LRRTM4: variants seen among roughly 807,000 people sequenced by gnomAD.
LRRTM4 encodes the protein leucine rich repeat transmembrane neuronal 4, also known as leucine-rich repeat transmembrane neuronal protein 4.
A neutral mutation model predicts 47.6 loss-of-function variants in LRRTM4; 25 were observed. That is an observed-to-expected ratio of 0.53 (90% CI 0.38 to 0.73). The LOEUF is 0.73. LRRTM4 is among the 30% of genes least tolerant of loss of function. LRRTM4 has a pLI of 0.00. For synonymous variants in LRRTM4, 311 were observed against 269.5 expected (o/e 1.15, Z -1.51); for missense variants, 638 against 713.4 (o/e 0.89, Z 1.20).
intron 3 of LRRTM4, among the ~76,000 whole-genome samples, chr2:76,903,835 G>A (rs191832924): frequency 3.2e-3 from 480 of 152,268 alleles, no homozygotes; most frequent in Admixed American, 5.1e-3. Flanking sequence ...TCGAGAAAAG[G>A]TGGTATGCTT....
At position 76,748,552 on chromosome 2, in the gene LRRTM4, CTT is replaced by C; in HGVS notation, c.*141_*142del. 1.5e-6 allele frequency: 1 copy of C among 683,912 alleles called. No homozygotes were observed. The highest frequency in any genetic ancestry group is 2.4e-6 in the Non-Finnish European group (1 of 413,840). The allele number at this position is 683,912 out of a possible 1,614,324, so 42.4% of individuals were successfully genotyped here. On this transcript the variant is annotated 3_prime_UTR_variant, in exon 4 of 4. Transcript: ENST00000409884. ...CCCTCTTCAAGCAGTTTTTTTTTCT[CTT>C]TTTCTTTTCTCTATGCCATAAATGT...
intron 3 of LRRTM4, among the ~76,000 whole-genome samples, chr2:76,801,983 A>G (rs1675715943): frequency 1.3e-5 from 2 of 152,148 alleles, no homozygotes; most frequent in Non-Finnish European, 2.9e-5. Context: ...AACAGAATAA[A>G]GGCAGTATAT....
At chr2:77,294,941 A>T (rs1387685014) in intron 3 of LRRTM4, among the ~76,000 whole-genome samples, 1 of 152,128 alleles carries the variant, frequency 6.6e-6, no homozygotes, top group Non-Finnish European at 1.5e-5. Flanking sequence ...TATTTAACTC[A>T]TGTGTTACAT....
chr2:76,835,451 A>G (rs1313719812), intron 3 of LRRTM4, among the ~76,000 whole-genome samples: 2 of 152,116 alleles, frequency 1.3e-5, no homozygotes, highest in Non-Finnish European at 2.9e-5. Flanking sequence ...CTTATTTGTG[A>G]AGATTTCTGA....
intron 3 of LRRTM4, among the ~76,000 whole-genome samples, chr2:77,251,160 CATATATATGTGTGTGTGTGTATATATAT>C (rs1558653760): frequency 2.7e-5 from 1 of 36,468 alleles, no homozygotes; most frequent in Non-Finnish European, 6.9e-5. Context: ...TGTATATATA[CATATATATGTGTGTGTGTGTATATATAT>C]ACACACACAC....
In LRRTM4 at chr2:77,462,714, C is replaced by T. The variant is rs183917202; in HGVS notation, c.1551+55604G>A. Among the ~76,000 whole-genome samples the T allele has an allele frequency of 9.9e-5, 15 of 152,188 alleles. No homozygotes were observed. The East Asian group carries it at 2.5e-3, about 26-fold the overall frequency. ...ATGATGAAATACTCCCAAGCAAAGG[C>T]TTTTAAACGGAAACAAAGTAGGTCT... On this transcript the variant is annotated intron_variant, in intron 3 of 3. Transcript: ENST00000409884.
intron 3 of LRRTM4, among the ~76,000 whole-genome samples, chr2:77,130,822 C>CTCTT (rs1221439109): frequency 3.8e-5 from 2 of 52,032 alleles, no homozygotes; most frequent in African/African-American, 1.6e-4. Context: ...ATTATTTGTT[C>CTCTT]TATTTTTTTT....
chr2:77,171,348 C>T (rs1673044495), intron 3 of LRRTM4, among the ~76,000 whole-genome samples: 1 of 152,122 alleles, frequency 6.6e-6, no homozygotes, highest in South Asian at 2.1e-4. Context: ...GCAATCTCAG[C>T]TCACTGCAAC....
chr2:77,345,614 C>G (rs1671532415), intron 3 of LRRTM4, among the ~76,000 whole-genome samples: 1 of 151,880 alleles, frequency 6.6e-6, no homozygotes. Context: ...TACTGTTATA[C>G]ATGTAGTAGG....
chr2:77,435,377 G>C (rs1281352766), intron 3 of LRRTM4, among the ~76,000 whole-genome samples: 2 of 152,106 alleles, frequency 1.3e-5, no homozygotes, highest in Non-Finnish European at 2.9e-5. Context: ...ATATTTTAAA[G>C]TTTTATTACT....
intron 3 of LRRTM4, among the ~76,000 whole-genome samples, chr2:77,182,765 T>C (rs1673385880): frequency 6.6e-6 from 1 of 152,132 alleles, no homozygotes; most frequent in African/African-American, 2.4e-5. Flanking sequence ...TCAAAGGGAA[T>C]GCTTCCAGTT....
intron 3 of LRRTM4, among the ~76,000 whole-genome samples, chr2:76,906,376 C>T (rs1222602727): frequency 6.6e-6 from 1 of 152,068 alleles, no homozygotes; most frequent in Non-Finnish European, 1.5e-5. Flanking sequence ...CAACCAGTAC[C>T]AGATGCTGCA....
At chr2:77,189,767 A>G (rs1673613753) in intron 3 of LRRTM4, among the ~76,000 whole-genome samples, 1 of 152,036 alleles carries the variant, frequency 6.6e-6, no homozygotes, top group Non-Finnish European at 1.5e-5. Flanking sequence ...GTATATATAC[A>G]TATACACACA....
At chr2:76,954,031 G>T (rs988972244) in intron 3 of LRRTM4, among the ~76,000 whole-genome samples, 1 of 151,828 alleles carries the variant, frequency 6.6e-6, no homozygotes, top group Non-Finnish European at 1.5e-5. Flanking sequence ...AAGACCACAT[G>T]TATAAAAGAT....
intron 3 of LRRTM4, among the ~76,000 whole-genome samples, chr2:77,061,800 T>A (rs555401935): frequency 1.3e-4 from 20 of 152,266 alleles, no homozygotes; most frequent in African/African-American, 4.8e-4. Context: ...TTGAACAAAC[T>A]TTTTTGCTCT....
At chr2:77,513,989 A>T (rs925010460) in intron 3 of LRRTM4, among the ~76,000 whole-genome samples, 1 of 152,146 alleles carries the variant, frequency 6.6e-6, no homozygotes, top group Admixed American at 6.6e-5. Context: ...AAAAAATTTA[A>T]TTAATTTTGA....
chr2:77,067,396 TCAA>T (rs1472502152), intron 3 of LRRTM4, among the ~76,000 whole-genome samples: 20 of 151,858 alleles, frequency 1.3e-4, no homozygotes, highest in Non-Finnish European at 2.5e-4. Context: ...ACTAAGCTGG[TCAA>T]CAACAACTTC....
chr2:76,899,031 C>A (rs907266464), intron 3 of LRRTM4, among the ~76,000 whole-genome samples: 3 of 151,744 alleles, frequency 2.0e-5, no homozygotes, highest in African/African-American at 4.8e-5. Flanking sequence ...GGTTTATGAG[C>A]AAAGCGTGTT....
chr2:76,880,997 TTAGA>T (rs920647737), intron 3 of LRRTM4, among the ~76,000 whole-genome samples: 7 of 152,034 alleles, frequency 4.6e-5, no homozygotes, highest in Non-Finnish European at 1.0e-4. Flanking sequence ...CAAATTACAG[TTAGA>T]TAGGAGGATT....
Sources: allele counts gnomAD v4.1 joint callset (sites outside exome capture counted in the v4.1 genomes callset), GRCh38; gene constraint gnomAD v4.1.1; transcripts MANE v1.5; gene names NCBI Gene and HGNC (gene_info 2026-07-23, HGNC 2026-07-21).